Variants in TRPM3 observed in about 807,000 individuals in gnomAD.
TRPM3 encodes long transient receptor potential channel 3.
A neutral mutation model predicts 181.2 loss-of-function variants in TRPM3; 77 were observed. The observed-to-expected ratio is 0.42, with a 90% CI of 0.35 to 0.51. TRPM3 has a LOEUF of 0.51. Among genes scored for constraint, TRPM3 ranks in the 20% least tolerant of loss-of-function variants. The probability of loss-of-function intolerance (pLI) is 0.01; values close to 1 mark genes in which losing one functional copy is unlikely to be tolerated. For synonymous variants in TRPM3, 745 were observed against 796.4 expected, an observed-to-expected ratio of 0.94 and a Z score of 1.09; for missense variants, 1,759 against 2,196.7, an observed-to-expected ratio of 0.80 and a Z score of 3.98.
chr9:71,404,518 T>C (rs1588877281), intron 1 of TRPM3, among the ~76,000 whole-genome samples: 1 of 152,202 alleles, frequency 6.6e-6, no homozygotes, highest in East Asian at 1.9e-4. Context: ...AAGTCTCTCC[T>C]TCCTCTTATC....
At chr9:70,843,387 A>T (rs757715329) in intron 4 of TRPM3, among the ~76,000 whole-genome samples, 43 of 148,154 alleles carry the variant, frequency 2.9e-4, no homozygotes, top group Non-Finnish European at 2.4e-4. Flanking sequence ...AAAAGCATCC[A>T]ATGTCTATAA....
rs187611228 is a variant in TRPM3 at position 70,934,352 on chromosome 9, C to T, written c.178-69841G>A. Reference sequence around the variant, plus strand: ...TGGGAAGGTCAGTCTGATGATGCCACAGGAGAGATTTTCATGTGACTGTTA... The same window carrying T: ...TGGGAAGGTCAGTCTGATGATGCCATAGGAGAGATTTTCATGTGACTGTTA... On this transcript the variant is annotated intron_variant, in intron 1 of 25. Transcript: ENST00000677713. 2.0e-3 allele frequency among the ~76,000 whole-genome samples: 297 copies of T among 152,222 alleles called. 1 individual carries two copies. The highest frequency in any genetic ancestry group is 6.9e-3 in the African/African-American group (286 of 41,540).
chr9:70,995,185 A>G (rs562981041), intron 1 of TRPM3, among the ~76,000 whole-genome samples: 1 of 152,306 alleles, frequency 6.6e-6, no homozygotes, highest in Admixed American at 6.5e-5. Context: ...CTACAGTATA[A>G]CACGTGGGTG....
intron 1 of TRPM3, among the ~76,000 whole-genome samples, chr9:71,076,797 A>G (rs1387442838): frequency 6.6e-6 from 1 of 152,188 alleles, no homozygotes; most frequent in Non-Finnish European, 1.5e-5. Flanking sequence ...CTGTGGCTGG[A>G]TCCCAGGCAT....
intron 1 of TRPM3, among the ~76,000 whole-genome samples, chr9:70,908,310 A>C (rs546671690): frequency 6.6e-6 from 1 of 152,344 alleles, no homozygotes; most frequent in African/African-American, 2.4e-5. Flanking sequence ...TCAACTATTC[A>C]ATTAAATAAT....
intron 1 of TRPM3, among the ~76,000 whole-genome samples, chr9:71,430,460 A>G (rs771048975): frequency 1.3e-5 from 2 of 152,230 alleles, no homozygotes; most frequent in Non-Finnish European, 2.9e-5. Context: ...GATTTTAAAT[A>G]TACTTGGCTT....
In TRPM3 at chr9:71,086,360, T is replaced by C. The variant is rs569201226; in HGVS notation, c.177+34818A>G. On this transcript the variant is annotated intron_variant, in intron 1 of 25. Coordinates refer to ENST00000677713, the MANE Select transcript of TRPM3 (RefSeq NM_001366145.2). ...TAAGAGTTGAAAAAAAAGAAAGAAT[T>C]TTTTTAAAAGATTCATTCTCATTTT... Among the ~76,000 whole-genome samples the C allele has an allele frequency of 9.9e-4, 150 of 151,998 alleles. 1 individual carries two copies. The highest frequency in any genetic ancestry group is 3.4e-3 in the African/African-American group (141 of 41,504).
At chr9:70,672,448 G>T (rs1345028266) in intron 9 of TRPM3, among the ~76,000 whole-genome samples, 1 of 152,118 alleles carries the variant, frequency 6.6e-6, no homozygotes, top group Admixed American at 6.5e-5. Context: ...TTGAGCCCTG[G>T]ATGCCACTTT....
intron 12 of TRPM3, among the ~76,000 whole-genome samples, chr9:70,628,643 G>A (rs1364850775): frequency 6.6e-6 from 1 of 151,896 alleles, no homozygotes; most frequent in African/African-American, 2.4e-5. Context: ...GCAACATGGT[G>A]AAACCCCGTC....
intron 1 of TRPM3, among the ~76,000 whole-genome samples, chr9:70,945,722 A>AT (rs1564818791): frequency 6.6e-6 from 1 of 152,168 alleles, no homozygotes; most frequent in Non-Finnish European, 1.5e-5. Context: ...AATAATATTA[A>AT]TTAGATGAGT....
intron 1 of TRPM3, among the ~76,000 whole-genome samples, chr9:70,979,731 C>T (rs1291550333): frequency 6.6e-6 from 1 of 152,108 alleles, no homozygotes; most frequent in Non-Finnish European, 1.5e-5. Flanking sequence ...GATTGGGTGG[C>T]TTAAATAACA....
At chr9:71,032,813 C>T (rs1175146208) in intron 1 of TRPM3, among the ~76,000 whole-genome samples, 1 of 152,196 alleles carries the variant, frequency 6.6e-6, no homozygotes, top group African/African-American at 2.4e-5. Context: ...TTTCTAGAAT[C>T]TGCAAGGAAG....
At chr9:70,904,818 A>G (rs1300626912) in intron 1 of TRPM3, among the ~76,000 whole-genome samples, 4 of 152,220 alleles carry the variant, frequency 2.6e-5, no homozygotes, top group Non-Finnish European at 4.4e-5. Context: ...GAGAGTCTTC[A>G]TTGAACAATG....
At position 71,266,962 on chromosome 9, in the gene TRPM3, A is replaced by C. The variant is rs528851605; in HGVS notation, c.183+179691T>G. ...CAAATGCTATATACTTCTCTGGCCA[A>C]AAAAAAAAAAAAATGTCATACCAAA... On this transcript the variant is annotated intron_variant, in intron 1 of 24. Transcript: ENST00000357533. Among the ~76,000 whole-genome samples, 341 of 131,018 alleles carry C rather than the reference A, an allele frequency of 2.6e-3. 1 individual carries two copies. Among genetic ancestry groups the C allele is most frequent in the African/African-American group, 4.2e-3 (147 of 34,738 alleles). The allele number at this position is 131,018 out of a possible 152,430, so 86.0% of individuals were successfully genotyped here. A position where few individuals can be genotyped will look rare whatever the true frequency, so the allele number is the denominator to read the frequency against.
At chr9:71,147,142 T>C (rs1208075575) in intron 1 of TRPM3, among the ~76,000 whole-genome samples, 1 of 152,194 alleles carries the variant, frequency 6.6e-6, no homozygotes, top group East Asian at 1.9e-4. Context: ...CTTTTTTGCT[T>C]AAGCTAGTTT....
intron 1 of TRPM3, among the ~76,000 whole-genome samples, chr9:71,252,335 G>A (rs890084908): frequency 1.3e-5 from 2 of 151,964 alleles, no homozygotes; most frequent in African/African-American, 4.8e-5. Flanking sequence ...GTGGTTTTTC[G>A]TGGACTGTTA....
At position 71,263,609 on chromosome 9, in the gene TRPM3, C is replaced by T. The variant is rs73647990; in HGVS notation, c.183+183044G>A. On this transcript the variant is annotated intron_variant, in intron 1 of 24. Transcript: ENST00000357533. ...ATCTTATTTACTTTCATATCCTCTACAGCACTTACATGGTTCTGCATAGAG... is the reference window on the plus strand; with the variant it reads ...ATCTTATTTACTTTCATATCCTCTATAGCACTTACATGGTTCTGCATAGAG... Among the ~76,000 whole-genome samples, 921 of 152,224 alleles carry T rather than the reference C, an allele frequency of 6.1e-3. 12 individuals carry two copies. Among genetic ancestry groups the T allele is most frequent in the African/African-American group, 0.021 (873 of 41,526 alleles).
chr9:71,297,162 T>C (rs2086354105), intron 1 of TRPM3, among the ~76,000 whole-genome samples: 1 of 151,934 alleles, frequency 6.6e-6, no homozygotes. Flanking sequence ...CGGTTAATTA[T>C]TTTGTATTTT....
At chr9:70,633,341 T>A (rs984334485) in intron 12 of TRPM3, among the ~76,000 whole-genome samples, 6 of 152,170 alleles carry the variant, frequency 3.9e-5, no homozygotes. Context: ...CCAGGATGAA[T>A]TAGACAAAAC....
Sources: gnomAD v4.1 joint callset for allele counts (sites outside exome capture counted in the v4.1 genomes callset) on GRCh38, gnomAD v4.1.1 for gene constraint, MANE v1.5 for transcripts, NCBI Gene and HGNC (gene_info 2026-07-23, HGNC 2026-07-21) for gene names.